The following KCMF1 variants were observed in gnomAD, a reference collection of about 807,000 sequenced individuals.
KCMF1 encodes potassium channel modulatory factor 1.
A neutral mutation model predicts 41.1 loss-of-function variants in KCMF1; 3 were observed. The ratio of observed to expected loss-of-function variants is 0.07; its 90% CI spans 0.03 to 0.19. The LOEUF (loss-of-function observed/expected upper bound fraction) is 0.19. Among genes scored for constraint, KCMF1 ranks in the 10% least tolerant of loss-of-function variants. The pLI is 1.00. For missense variants in KCMF1, 286 were observed against 488.9 expected (o/e 0.58, Z 3.91); for synonymous variants, 142 against 164.5 (o/e 0.86, Z 1.04).
chr2:85,039,812 T>A lies in KCMF1; in HGVS notation c.325-3752T>A, dbSNP rs546520379. ...CAAGGACATTTGTGAATACAAATGT[T>A]TTTTCCTTTTTTTTTGGAGACAGAG... On this transcript the variant is annotated intron_variant, in intron 3 of 6. Coordinates refer to ENST00000409785, the MANE Select transcript of KCMF1 (RefSeq NM_020122.5). Among the ~76,000 whole-genome samples, 4 of 151,812 alleles carry A rather than the reference T, an allele frequency of 2.6e-5. No homozygotes were observed. The South Asian group carries it at 8.3e-4, about 32-fold the overall frequency.
At chr2:84,985,681 T>G (rs1673883916) in intron 1 of KCMF1, among the ~76,000 whole-genome samples, 1 of 152,100 alleles carries the variant, frequency 6.6e-6, no homozygotes, top group South Asian at 2.1e-4. Context: ...ATACAAAAAT[T>G]AGCTGGGTGT....
At chr2:85,045,362 GTGACACC>G (rs1675638849) in intron 4 of KCMF1, among the ~76,000 whole-genome samples, 1 of 152,064 alleles carries the variant, frequency 6.6e-6, no homozygotes, top group South Asian at 2.1e-4. Context: ...GGCATGTACC[GTGACACC>G]TGAAGGCCTC....
Position 85,035,025 on chromosome 2 carries a change from A to G in KCMF1, c.194A>G (p.Tyr65Cys). ...ILTRVDFDLYYGGEAFSVEQP... is the reference protein window; with the variant it reads ...ILTRVDFDLYCGGEAFSVEQP... ...CTACCTTATTTTTCAGATTTATACT[A>G]TGGTGGGGAAGCTTTCTCTGTAGAG... Residue 65 changes from tyrosine (Y) to cysteine (C), a missense_variant, in exon 3 of 7, where the codon TAT becomes TGT. Coordinates refer to ENST00000409785, the MANE Select transcript of KCMF1 (RefSeq NM_020122.5). The G allele has an allele frequency of 2.5e-6, 4 of 1,610,578 alleles. No individual in the cohort carries two copies. The highest frequency in any genetic ancestry group is 3.4e-6 in the Non-Finnish European group (4 of 1,177,756).
intron 3 of KCMF1, among the ~76,000 whole-genome samples, chr2:85,039,657 G>C (rs1305944554): frequency 2.0e-5 from 3 of 152,030 alleles, no homozygotes; most frequent in Non-Finnish European, 2.9e-5. Flanking sequence ...TCTTGGGATG[G>C]GACCTCATCT....
intron 1 of KCMF1, among the ~76,000 whole-genome samples, chr2:85,003,721 G>A (rs1430095959): frequency 6.6e-6 from 1 of 152,058 alleles, no homozygotes; most frequent in Non-Finnish European, 1.5e-5. Context: ...ACAGGCGTGA[G>A]CTACCACACC....
chr2:85,012,632 CA>C (rs1674679400), intron 1 of KCMF1, among the ~76,000 whole-genome samples: 1 of 152,224 alleles, frequency 6.6e-6, no homozygotes, highest in Non-Finnish European at 1.5e-5. Context: ...CTTATCACTT[CA>C]AACCAAACAT....
At chr2:85,038,173 G>A (rs897485883) in intron 3 of KCMF1, among the ~76,000 whole-genome samples, 2 of 152,132 alleles carry the variant, frequency 1.3e-5, no homozygotes, top group Admixed American at 6.5e-5. Flanking sequence ...ATGGGAGAAT[G>A]GAATCGACAG....
chr2:85,041,475 A>G (rs2104051001), intron 3 of KCMF1, among the ~76,000 whole-genome samples: 1 of 152,210 alleles, frequency 6.6e-6, no homozygotes, highest in South Asian at 2.1e-4. Flanking sequence ...CAACATTTTT[A>G]TGTCCCCTCA....
chr2:85,034,947 A>G (rs1171546185), intron 2 of KCMF1, 69 bp from the exon 3 acceptor site: 4 of 1,333,746 alleles, frequency 3.0e-6, no homozygotes, highest in East Asian at 2.3e-5. Flanking sequence ...ACATTATTGT[A>G]TCGTACGATT....
intron 1 of KCMF1, among the ~76,000 whole-genome samples, chr2:85,005,582 G>T (rs1269456859): frequency 1.3e-5 from 2 of 152,108 alleles, no homozygotes; most frequent in Admixed American, 1.3e-4. Flanking sequence ...GAGCCACTGT[G>T]CCTGGCCTAA....
At chr2:85,000,902 C>G (rs1464008946) in intron 1 of KCMF1, among the ~76,000 whole-genome samples, 1 of 151,072 alleles carries the variant, frequency 6.6e-6, no homozygotes, top group Non-Finnish European at 1.5e-5. Flanking sequence ...CCTCAGCATC[C>G]TGAGTAGGTA....
At chr2:85,027,265 C>T (rs1333392054) in intron 1 of KCMF1, among the ~76,000 whole-genome samples, 1 of 151,834 alleles carries the variant, frequency 6.6e-6, no homozygotes, top group Non-Finnish European at 1.5e-5. Context: ...AGATTTTTAC[C>T]TGCTTGGGCA....
At chr2:85,046,342 T>C (rs955985441) in intron 5 of KCMF1, 64 bp downstream of exon 5, 1 of 1,348,244 alleles carries the variant, frequency 7.4e-7, no homozygotes, top group African/African-American at 1.5e-5. Flanking sequence ...TTAAAACTTT[T>C]TGTGATGCCA....
intron 1 of KCMF1, among the ~76,000 whole-genome samples, chr2:85,023,463 C>T (rs1056957773): frequency 6.6e-6 from 1 of 151,672 alleles, no homozygotes; most frequent in Admixed American, 6.6e-5. Context: ...GGACTACAGG[C>T]GCCCGCCACC....
At chr2:85,028,725 A>G (rs1279871227) in intron 2 of KCMF1, among the ~76,000 whole-genome samples, 1 of 148,662 alleles carries the variant, frequency 6.7e-6, no homozygotes, top group Admixed American at 6.7e-5. Flanking sequence ...TCCTAACCTA[A>G]TGATACACCT....
intron 1 of KCMF1, among the ~76,000 whole-genome samples, chr2:85,018,265 A>G (rs1674834397): frequency 6.8e-6 from 1 of 147,626 alleles, no homozygotes; most frequent in African/African-American, 2.5e-5. Context: ...TGACTAAGCT[A>G]GATTTTTTTT....
chr2:85,011,906 C>T (rs767771528), intron 1 of KCMF1, among the ~76,000 whole-genome samples: 14 of 152,256 alleles, frequency 9.2e-5, no homozygotes, highest in Non-Finnish European at 1.9e-4. Flanking sequence ...CTCCCTGTCC[C>T]GCTAATAGTT....
intron 1 of KCMF1, among the ~76,000 whole-genome samples, chr2:85,013,226 C>T (rs747076713): frequency 9.2e-5 from 14 of 152,098 alleles, no homozygotes; most frequent in Non-Finnish European, 1.5e-4. Flanking sequence ...TGCAAGTGCT[C>T]AAAAATTTTG....
At position 85,020,377 on chromosome 2, in the gene KCMF1, A is replaced by G. The variant is rs574055866; in HGVS notation, c.17-7512A>G. On this transcript the variant is annotated intron_variant, in intron 1 of 6. Coordinates refer to ENST00000409785, the MANE Select transcript of KCMF1 (RefSeq NM_020122.5). ...ATAGATATCATAGGTATCTCCCCCC[A>G]TTGATTAATTCAGTGTTATGCTTAA... Among the ~76,000 whole-genome samples, 379 of 152,238 alleles carry G rather than the reference A, an allele frequency of 2.5e-3. 3 individuals are homozygous for G. The highest frequency in any genetic ancestry group is 8.9e-3 in the African/African-American group (368 of 41,548).
Sources: gnomAD v4.1 joint callset for allele counts (sites outside exome capture counted in the v4.1 genomes callset) on GRCh38, gnomAD v4.1.1 for gene constraint, MANE v1.5 for transcripts, NCBI Gene and HGNC (gene_info 2026-07-23, HGNC 2026-07-21) for gene names.